SYNPO2: variants seen among roughly 807,000 people sequenced by gnomAD.
SYNPO2 encodes the protein synaptopodin 2, also known as synaptopodin-2.
A neutral mutation model predicts 85.0 loss-of-function variants in SYNPO2; 56 were observed. The observed-to-expected ratio is 0.66, with a 90% CI of 0.53 to 0.82. The LOEUF (loss-of-function observed/expected upper bound fraction) is 0.82, where lower values mean the gene tolerates loss of function less well. Among genes scored for constraint, SYNPO2 ranks in the 40% least tolerant of loss-of-function variants. SYNPO2 has a pLI of 0.00. For missense variants in SYNPO2, 1,575 were observed against 1,534.2 expected (o/e 1.03, Z -0.44); for synonymous variants, 602 against 591.1 (o/e 1.02, Z -0.27).
At chr4:119,047,933 T>G (rs561039356) in intron 4 of SYNPO2, among the ~76,000 whole-genome samples, 3 of 152,224 alleles carry the variant, frequency 2.0e-5, no homozygotes, top group Non-Finnish European at 2.9e-5. Flanking sequence ...CCCTAACTAA[T>G]TCCAATCTCT....
chr4:118,863,100 C>A (rs1013977927), intron 1 of SYNPO2, among the ~76,000 whole-genome samples: 1 of 152,170 alleles, frequency 6.6e-6, no homozygotes, highest in South Asian at 2.1e-4. Flanking sequence ...TGAGCCCCTG[C>A]ACCCGGACTT....
intron 4 of SYNPO2, chr4:119,032,278 A>T: frequency 2.1e-6 from 3 of 1,396,132 alleles, no homozygotes; most frequent in Non-Finnish European, 2.8e-6. Context: ...AAAATCCAGG[A>T]GCACCCCAAA....
Position 118,986,416 on chromosome 4 carries a change from C to T in SYNPO2, c.106-37014C>T, listed in dbSNP as rs541892408. On this transcript the variant is annotated intron_variant, in intron 1 of 4. Transcript: ENST00000307142. Reference sequence around the variant, plus strand: ...ACATGTTTAAAAATGCCAATTCAAACTTGAATTTCTATGCCAAGAATGTTC... The same window carrying T: ...ACATGTTTAAAAATGCCAATTCAAATTTGAATTTCTATGCCAAGAATGTTC... Among the ~76,000 whole-genome samples, 12 of 152,326 alleles carry T rather than the reference C, an allele frequency of 7.9e-5. No individual in the cohort carries two copies. In the South Asian group the frequency reaches 2.5e-3, roughly 32 times the overall value.
intron 1 of SYNPO2, among the ~76,000 whole-genome samples, chr4:118,971,661 G>A (rs1735545573): frequency 6.6e-6 from 1 of 152,230 alleles, no homozygotes; most frequent in African/African-American, 2.4e-5. Flanking sequence ...TACTTTCTGG[G>A]TCCTGAAGCA....
At chr4:118,991,835 A>G (rs528731576) in intron 1 of SYNPO2, among the ~76,000 whole-genome samples, 1 of 152,356 alleles carries the variant, frequency 6.6e-6, no homozygotes, top group African/African-American at 2.4e-5. Context: ...GAGGAGGAGC[A>G]TTGTAAGCAG....
intron 1 of SYNPO2, chr4:119,006,357 A>G (rs1461975250): frequency 6.6e-6 from 1 of 152,212 alleles, no homozygotes; most frequent in East Asian, 1.9e-4. Context: ...CATAACCCAA[A>G]CACCAAAGAA....
intron 1 of SYNPO2, among the ~76,000 whole-genome samples, chr4:119,010,448 A>G (rs1236605498): frequency 6.6e-6 from 1 of 152,190 alleles, no homozygotes; most frequent in East Asian, 1.9e-4. Flanking sequence ...CTTATTCACT[A>G]CCATGAGAAC....
At chr4:119,016,340 C>T (rs571382826) in intron 1 of SYNPO2, among the ~76,000 whole-genome samples, 4 of 151,228 alleles carry the variant, frequency 2.6e-5, no homozygotes, top group Non-Finnish European at 5.9e-5. Context: ...TTGCTTGAAC[C>T]TGGGAGGCAG....
At chr4:119,042,061 T>C (rs1337722930) in intron 4 of SYNPO2, 3 of 148,948 alleles carry the variant, frequency 2.0e-5, no homozygotes, top group Non-Finnish European at 4.4e-5. Context: ...CTGCACCTGC[T>C]TCCACAGTCT....
At chr4:118,926,872 T>G (rs1301240569) in intron 1 of SYNPO2, among the ~76,000 whole-genome samples, 1 of 152,140 alleles carries the variant, frequency 6.6e-6, no homozygotes, top group Non-Finnish European at 1.5e-5. Context: ...ACGAGCAGAT[T>G]CCCTTCTTCC....
rs1739375902 is a variant in SYNPO2 at position 119,060,438 on chromosome 4, A to G, written c.*2504A>G. On this transcript the variant is annotated 3_prime_UTR_variant, in exon 5 of 5. Transcript: ENST00000307142. Reference sequence around the variant, plus strand: ...CAAAGTGCCATTGTTAAATCATCCTAAAGTGTACTGTGGGTATTCTCCAGC... The same window carrying G: ...CAAAGTGCCATTGTTAAATCATCCTGAAGTGTACTGTGGGTATTCTCCAGC... 1 of 148,422 alleles carries G rather than the reference A, an allele frequency of 6.7e-6. No individual in the cohort carries two copies. The highest frequency in any genetic ancestry group is 2.2e-4 in the South Asian group (1 of 4,646). 9.2% of individuals were successfully genotyped at this position (148,422 alleles called of 1,614,324 possible). A position where few individuals can be genotyped will look rare whatever the true frequency, so the allele number is the denominator to read the frequency against.
chr4:119,016,572 A>G (rs1481237884), intron 1 of SYNPO2, among the ~76,000 whole-genome samples: 2 of 152,168 alleles, frequency 1.3e-5, no homozygotes, highest in African/African-American at 2.4e-5. Flanking sequence ...GTATTTTTTC[A>G]TATTCTGCAC....
chr4:119,022,595 A>G (rs997944383), intron 1 of SYNPO2, among the ~76,000 whole-genome samples: 1 of 142,644 alleles, frequency 7.0e-6, no homozygotes, highest in South Asian at 2.2e-4. Context: ...AGCTCAAGAG[A>G]TCCACCTGCC....
intron 1 of SYNPO2, among the ~76,000 whole-genome samples, chr4:118,966,363 C>A (rs114046954): frequency 0.019 from 2,957 of 152,206 alleles, 93 homozygotes; most frequent in African/African-American, 0.068. Flanking sequence ...AGTCTGCCTC[C>A]CCATTTTAGC....
intron 1 of SYNPO2, among the ~76,000 whole-genome samples, chr4:118,858,918 C>A (rs962876998): frequency 2.6e-5 from 4 of 152,154 alleles, no homozygotes; most frequent in Non-Finnish European, 5.9e-5. Flanking sequence ...GTTTTATATC[C>A]ATCCTGCCCC....
intron 1 of SYNPO2, among the ~76,000 whole-genome samples, chr4:118,867,393 G>A (rs774215512): frequency 6.6e-6 from 1 of 151,810 alleles, no homozygotes; most frequent in Non-Finnish European, 1.5e-5. Flanking sequence ...AAATGCTGTG[G>A]TTAAAGAATA....
chr4:118,967,949 A>T (rs1735379533), intron 1 of SYNPO2, among the ~76,000 whole-genome samples: 1 of 152,230 alleles, frequency 6.6e-6, no homozygotes, highest in African/African-American at 2.4e-5. Context: ...GAAGACATAC[A>T]GCTATTCTAT....
chr4:119,031,767 T>C lies in SYNPO2; in HGVS notation c.2992T>C (p.Ser998Pro), dbSNP rs1226312453. 6.2e-7 allele frequency: 1 copy of C among 1,614,134 alleles called. No individual in the cohort carries two copies. The highest frequency in any genetic ancestry group is 2.2e-5 in the East Asian group (1 of 44,876). Residue 998 changes from serine (S) to proline (P), a missense_variant, in exon 4 of 5, where the codon TCA becomes CCA. By Grantham distance (74) the Ser-to-Pro change is moderately conservative (BLOSUM62 -1). Transcript: ENST00000307142. ...LPQKSSVKVN[S>P]ALAMKQALPP... ...CCAGAAGTCATCAGTCAAGGTCAAT[T>C]CAGCCCTGGCCATGAAGCAAGCTCT...
intron 1 of SYNPO2, among the ~76,000 whole-genome samples, chr4:118,929,990 C>T (rs1244400714): frequency 2.0e-5 from 3 of 152,004 alleles, no homozygotes; most frequent in East Asian, 1.9e-4. Context: ...TAATGATAAA[C>T]GTCTTTAAAT....
Sources: allele counts gnomAD v4.1 joint callset (sites outside exome capture counted in the v4.1 genomes callset), GRCh38; gene constraint gnomAD v4.1.1; transcripts MANE v1.5; gene names NCBI Gene and HGNC (gene_info 2026-07-23, HGNC 2026-07-21).